KLF7: variants seen among roughly 807,000 people sequenced by gnomAD.
KLF7 encodes KLF transcription factor 7, also known as Krueppel-like factor 7.
KLF7 carries 2 observed loss-of-function variants against 27.3 expected under a neutral mutation model. The observed-to-expected ratio is 0.07, with a 90% CI of 0.03 to 0.23. The LOEUF (loss-of-function observed/expected upper bound fraction) is 0.23, where lower values mean the gene tolerates loss of function less well. Ranked by LOEUF, KLF7 falls within the 10% of genes least tolerant of loss-of-function variation. The probability of loss-of-function intolerance (pLI) is 1.00; values close to 1 mark genes in which losing one functional copy is unlikely to be tolerated. For synonymous variants in KLF7, 165 were observed against 162.4 expected, an observed-to-expected ratio of 1.02 and a Z score of -0.12; for missense variants, 221 against 394.1, an observed-to-expected ratio of 0.56 and a Z score of 3.72.
intron 2 of KLF7, among the ~76,000 whole-genome samples, chr2:207,105,640 G>A (rs2076864965): frequency 6.6e-6 from 1 of 152,286 alleles, no homozygotes; most frequent in East Asian, 1.9e-4. Flanking sequence ...GGTAGAATGT[G>A]GATGGCTCCA....
intron 1 of KLF7, among the ~76,000 whole-genome samples, chr2:207,126,096 C>T (rs1214034311): frequency 6.6e-6 from 1 of 152,182 alleles, no homozygotes; most frequent in Non-Finnish European, 1.5e-5. Flanking sequence ...CACTACTCTA[C>T]ATTAGAAACC....
intron 2 of KLF7, among the ~76,000 whole-genome samples, chr2:207,102,701 T>C (rs1045450610): frequency 2.0e-5 from 3 of 152,228 alleles, no homozygotes; most frequent in African/African-American, 7.2e-5. Flanking sequence ...TAAAGGCTTT[T>C]TAAAAAGAAT....
chr2:207,155,549 A>G (rs2078359338), intron 1 of KLF7, among the ~76,000 whole-genome samples: 1 of 152,234 alleles, frequency 6.6e-6, no homozygotes, highest in South Asian at 2.1e-4. Flanking sequence ...GATGTTTGTT[A>G]CATTCTCATA....
intron 2 of KLF7, among the ~76,000 whole-genome samples, chr2:207,103,744 C>T (rs1174742413): frequency 6.6e-6 from 1 of 152,210 alleles, no homozygotes; most frequent in African/African-American, 2.4e-5. Context: ...TCACTTTCCT[C>T]CTCTGCAAAA....
intron 1 of KLF7, among the ~76,000 whole-genome samples, chr2:207,156,216 C>A (rs1185581997): frequency 6.6e-6 from 1 of 152,200 alleles, no homozygotes; most frequent in Non-Finnish European, 1.5e-5. Context: ...GAAAAAGAGG[C>A]GTTTCTAAGG....
At chr2:207,094,202 T>C (rs1416014838) in intron 2 of KLF7, among the ~76,000 whole-genome samples, 1 of 152,210 alleles carries the variant, frequency 6.6e-6, no homozygotes, top group Non-Finnish European at 1.5e-5. Flanking sequence ...CACTCAAGGT[T>C]TAAAATCTGT....
At chr2:207,123,256 T>G (rs1489317798) in intron 2 of KLF7, among the ~76,000 whole-genome samples, 1 of 152,084 alleles carries the variant, frequency 6.6e-6, no homozygotes, top group Non-Finnish European at 1.5e-5. Flanking sequence ...AAAGAGGAGA[T>G]GCCAATTAAT....
intron 1 of KLF7, among the ~76,000 whole-genome samples, chr2:207,153,972 T>C (rs2078314925): frequency 6.6e-6 from 1 of 152,180 alleles, no homozygotes; most frequent in Non-Finnish European, 1.5e-5. Flanking sequence ...ATATAATCTT[T>C]TGAGTTTTAT....
At chr2:207,091,187 T>G (rs2076503491) in intron 2 of KLF7, among the ~76,000 whole-genome samples, 3 of 152,224 alleles carry the variant, frequency 2.0e-5, no homozygotes, top group Admixed American at 1.3e-4. Context: ...TTGGATATTT[T>G]TTCCCATTTC....
intron 2 of KLF7, among the ~76,000 whole-genome samples, chr2:207,096,798 C>T (rs958332546): frequency 5.9e-5 from 9 of 152,150 alleles, no homozygotes; most frequent in Non-Finnish European, 1.3e-4. Flanking sequence ...AGTAGATGCT[C>T]AGATAATACA....
intron 2 of KLF7, chr2:207,109,967 A>G (rs938554321): frequency 1.3e-5 from 2 of 154,840 alleles, no homozygotes; most frequent in Non-Finnish European, 1.5e-5. Flanking sequence ...AGCCACATTC[A>G]CATGTATGAG....
chr2:207,149,088 C>A, intron 1 of KLF7: 1 of 1,261,286 alleles, frequency 7.9e-7, no homozygotes, highest in Non-Finnish European at 1.0e-6. Context: ...TCCATCAGCT[C>A]TTAGGGACTG....
intron 1 of KLF7, among the ~76,000 whole-genome samples, chr2:207,127,126 CAT>C (rs200239061): frequency 0.035 from 5,325 of 152,190 alleles, 135 homozygotes; most frequent in Middle Eastern, 0.099. Flanking sequence ...TGCAGGAGCA[CAT>C]GAGTCATATT....
intron 1 of KLF7, among the ~76,000 whole-genome samples, chr2:207,159,298 T>A (rs926918634): frequency 2.6e-5 from 4 of 152,192 alleles, no homozygotes; most frequent in Non-Finnish European, 4.4e-5. Context: ...GCCCACAACA[T>A]GACATTGGCT....
intron 2 of KLF7, among the ~76,000 whole-genome samples, chr2:207,107,117 G>C (rs899002971): frequency 6.6e-6 from 1 of 152,112 alleles, no homozygotes; most frequent in African/African-American, 2.4e-5. Context: ...CCGTAGGAAG[G>C]GATATCGGGT....
At chr2:207,139,079 C>T (rs765186042) in intron 1 of KLF7, among the ~76,000 whole-genome samples, 2 of 152,160 alleles carry the variant, frequency 1.3e-5, no homozygotes, top group African/African-American at 2.4e-5. Flanking sequence ...TTTGAAAGCA[C>T]GCCCTGAGCT....
chr2:207,171,840 T>TG (rs1254437619), upstream of KLF7, among the ~76,000 whole-genome samples: 1 of 152,244 alleles, frequency 6.6e-6, no homozygotes, highest in Non-Finnish European at 1.5e-5. Flanking sequence ...TTGTGATATT[T>TG]GCTTTATTGC....
intron 1 of KLF7, among the ~76,000 whole-genome samples, chr2:207,152,590 C>T (rs532261146): frequency 5.2e-4 from 79 of 152,240 alleles, no homozygotes; most frequent in Non-Finnish European, 9.6e-4. Context: ...TCTTTTCCAT[C>T]CCAGATTTCG....
At chr2:207,099,476 C>G (rs566745647) in intron 2 of KLF7, among the ~76,000 whole-genome samples, 1 of 146,206 alleles carries the variant, frequency 6.8e-6, no homozygotes, top group Non-Finnish European at 1.5e-5. Context: ...TGCTTTTTTG[C>G]TAACCAAAAA....
Sources: gnomAD v4.1 joint callset for allele counts (sites outside exome capture counted in the v4.1 genomes callset) on GRCh38, gnomAD v4.1.1 for gene constraint, MANE v1.5 for transcripts, NCBI Gene and HGNC (gene_info 2026-07-23, HGNC 2026-07-21) for gene names.